The following DYNC1LI1 variants were observed in gnomAD, a reference collection of about 807,000 sequenced individuals.
DYNC1LI1 encodes dynein cytoplasmic 1 light intermediate chain 1.
DYNC1LI1 carries 19 observed loss-of-function variants against 63.8 expected under a neutral mutation model. The observed-to-expected ratio is 0.30, with a 90% confidence interval of 0.21 to 0.44. The LOEUF (loss-of-function observed/expected upper bound fraction) is 0.44, where lower values mean the gene tolerates loss of function less well. Among genes scored for constraint, DYNC1LI1 ranks in the 20% least tolerant of loss-of-function variants. The probability of loss-of-function intolerance (pLI) is 1.00; values close to 1 mark genes in which losing one functional copy is unlikely to be tolerated. For missense variants in DYNC1LI1, 565 were observed against 630.2 expected, an observed-to-expected ratio of 0.90 and a Z score of 1.11; for synonymous variants, 225 against 232.3, an observed-to-expected ratio of 0.97 and a Z score of 0.28.
rs778712085 is a variant in DYNC1LI1 at position 32,570,737 on chromosome 3, A to T, written c.34T>A (p.Ser12Thr). The change falls in exon 1 of 13, where the codon TCT (serine) becomes ACT (threonine). Residue 12 changes from serine to threonine, a missense_variant. Ser to Thr is a moderately conservative substitution (Grantham distance 58, BLOSUM62 1). Coordinates refer to ENST00000273130, the MANE Select transcript of DYNC1LI1 (RefSeq NM_016141.4). ...GTCGAGGATAATCCCGGCGGAGAAG[A>T]ACCGAAGGAGCCGACTCGCCCCACG... is the stretch of plus-strand genomic sequence containing the variant. ...AAVGRVGSFG[S>T]SPPGLSSTYT... is the part of the protein sequence containing the mutation. 6.2e-7 allele frequency: 1 copy of T among 1,607,510 alleles called. No homozygotes were observed. The highest frequency in any genetic ancestry group is 8.5e-7 in the Non-Finnish European group (1 of 1,176,934).
In DYNC1LI1 at chr3:32,530,657, C is replaced by T. The variant is rs147089964; in HGVS notation, c.1081-137G>A. 216 of 748,914 alleles carry T rather than the reference C, an allele frequency of 2.9e-4. 1 individual carries two copies. The East Asian group carries it at 4.8e-3, about 16-fold the overall frequency. The allele number at this position is 748,914 out of a possible 1,614,324, so 46.4% of individuals were successfully genotyped here. ...CCTATACTATATTTATATTCACATG[C>T]GTGAGCTGCCCTACCCAAGGCCTTC... On this transcript the variant is annotated intron_variant, in intron 8 of 12. Transcript: ENST00000273130.
chr3:32,528,368 C>T (rs914043183), intron 12 of DYNC1LI1, 78 bp downstream of exon 12: 26 of 1,517,218 alleles, frequency 1.7e-5, no homozygotes, highest in East Asian at 2.3e-5. Context: ...CAGAATTATA[C>T]ACTTTACATG....
Position 32,570,724 on chromosome 3 carries a change from C to T in DYNC1LI1, c.47G>A (p.Gly16Glu). 6.2e-7 allele frequency: 1 copy of T among 1,608,666 alleles called. No individual in the cohort carries two copies. The highest frequency in any genetic ancestry group is 1.1e-5 in the South Asian group (1 of 90,586). Reference protein sequence around the residue: ...RVGSFGSSPPGLSSTYTGGPL... With the variant: ...RVGSFGSSPPELSSTYTGGPL... ...GCCGCCAGTGTAAGTCGAGGATAAT[C>T]CCGGCGGAGAAGAACCGAAGGAGCC... The change falls in exon 1 of 13, where the codon GGA (glycine) becomes GAA (glutamate). Residue 16 changes from glycine to glutamate, a missense_variant. Transcript: ENST00000273130.
At chr3:32,540,154 C>T (rs981938612) in intron 5 of DYNC1LI1, among the ~76,000 whole-genome samples, 1 of 151,794 alleles carries the variant, frequency 6.6e-6, no homozygotes, top group Non-Finnish European at 1.5e-5. Context: ...CAGGTGTGAG[C>T]CACCATGCCT....
chr3:32,570,103 A>C, intron 2 of DYNC1LI1: 1 of 643,778 alleles, frequency 1.6e-6, no homozygotes, highest in Non-Finnish European at 2.8e-6. Flanking sequence ...GGAAGCTGTC[A>C]GGGCCACCCC....
intron 5 of DYNC1LI1, among the ~76,000 whole-genome samples, chr3:32,538,880 C>T (rs1171350216): frequency 2.6e-5 from 4 of 152,066 alleles, no homozygotes; most frequent in Non-Finnish European, 4.4e-5. Context: ...TACCCCTATA[C>T]ATTTTAAAAG....
intron 5 of DYNC1LI1, among the ~76,000 whole-genome samples, chr3:32,539,589 G>C (rs973635239): frequency 6.6e-6 from 1 of 151,920 alleles, no homozygotes; most frequent in African/African-American, 2.4e-5. Flanking sequence ...AGGCTGGAGT[G>C]CAGTGGCGCA....
chr3:32,548,979 C>G (rs961640338), intron 2 of DYNC1LI1, among the ~76,000 whole-genome samples: 1 of 152,022 alleles, frequency 6.6e-6, no homozygotes, highest in Non-Finnish European at 1.5e-5. Flanking sequence ...ACAGTAATAT[C>G]TATGATGACA....
Position 32,532,067 on chromosome 3 carries a change from A to G in DYNC1LI1, c.1080+919T>C, listed in dbSNP as rs552381416. 1.4e-4 allele frequency: 22 copies of G among 152,332 alleles called. No homozygotes were observed. The South Asian group carries it at 4.1e-3, about 29-fold the overall frequency. The allele number at this position is 152,332 out of a possible 1,614,324, so 9.4% of individuals were successfully genotyped here. A position where few individuals can be genotyped will look rare whatever the true frequency, so the allele number is the denominator to read the frequency against. On this transcript the variant is annotated intron_variant, in intron 8 of 12. Coordinates refer to ENST00000273130, the MANE Select transcript of DYNC1LI1 (RefSeq NM_016141.4). ...AAATACTCATTTTTATAGAGCTTTC[A>G]GAAACATCTCTATCTATAGAACATT...
chr3:32,546,498 T>C (rs1697954836), intron 2 of DYNC1LI1, among the ~76,000 whole-genome samples: 1 of 152,204 alleles, frequency 6.6e-6, no homozygotes, highest in Non-Finnish European at 1.5e-5. Flanking sequence ...CTATTGCAAA[T>C]GACTTCCTCT....
intron 2 of DYNC1LI1, among the ~76,000 whole-genome samples, chr3:32,556,284 T>C (rs964391603): frequency 2.2e-4 from 33 of 152,206 alleles, no homozygotes; most frequent in Non-Finnish European, 4.3e-4. Flanking sequence ...GTGCTCTCAA[T>C]AGCACACTGC....
rs1301276091 is a variant in DYNC1LI1 at position 32,545,071 on chromosome 3, C to A, written c.373G>T (p.Asp125Tyr). 2 of 1,613,624 alleles carry A rather than the reference C, an allele frequency of 1.2e-6. No individual in the cohort carries two copies. The highest frequency in any genetic ancestry group is 1.1e-5 in the South Asian group (1 of 91,064). The change falls in exon 4 of 13, where the codon GAC (aspartate) becomes TAC (tyrosine). Residue 125 changes from aspartate (D) to tyrosine (Y), a missense_variant. Asp to Tyr is a radical substitution (Grantham distance 160). Transcript: ENST00000273130. ...TTAAGGAGGCCTTTGTGATATAGGT[C>A]TCCATCTAAGATCCAAACATTACAT... The part of the protein sequence containing the change: ...TRCNVWILDG[D>Y]LYHKGLLKFS...
At chr3:32,539,127 TA>T (rs933196759) in intron 5 of DYNC1LI1, among the ~76,000 whole-genome samples, 158 of 152,118 alleles carry the variant, frequency 1.0e-3, no homozygotes, top group African/African-American at 3.6e-3. Flanking sequence ...CAAAACAAAA[TA>T]AAAAACAAAG....
chr3:32,527,530 T>A (rs958642678), intron 12 of DYNC1LI1, among the ~76,000 whole-genome samples: 3 of 152,042 alleles, frequency 2.0e-5, no homozygotes, highest in Non-Finnish European at 2.9e-5. Context: ...GGCAAGGATA[T>A]GGAGAAACGA....
chr3:32,560,974 C>A (rs1157527648), intron 2 of DYNC1LI1, among the ~76,000 whole-genome samples: 1 of 119,064 alleles, frequency 8.4e-6, no homozygotes, highest in Non-Finnish European at 1.6e-5. Context: ...TGCACTCCAG[C>A]CTGGGCAACA....
intron 4 of DYNC1LI1, among the ~76,000 whole-genome samples, chr3:32,542,004 C>A: frequency 6.6e-6 from 1 of 151,972 alleles, no homozygotes; most frequent in Middle Eastern, 3.2e-3. Flanking sequence ...GTCAAGTTTT[C>A]AAAGAATATT....
intron 5 of DYNC1LI1, among the ~76,000 whole-genome samples, chr3:32,540,436 T>C (rs1318070673): frequency 6.6e-6 from 1 of 151,808 alleles, no homozygotes; most frequent in African/African-American, 2.4e-5. Context: ...TCCCAGCACT[T>C]TGGGAGGCCA....
At chr3:32,568,480 T>C (rs1347562605) in intron 2 of DYNC1LI1, among the ~76,000 whole-genome samples, 1 of 152,222 alleles carries the variant, frequency 6.6e-6, no homozygotes, top group African/African-American at 2.4e-5. Context: ...TATTACCTGA[T>C]ATTAGATGCA....
Position 32,530,285 on chromosome 3 carries a change from A to C in DYNC1LI1, c.1184T>G (p.Val395Gly). The change falls in exon 10 of 13, where the codon GTG (valine) becomes GGG (glycine). Residue 395 changes from valine to glycine, a missense_variant and splice_region_variant. Physicochemically the swap from Val to Gly is moderately radical, Grantham distance 109. Transcript: ENST00000273130. ...KQPPTAAGRP[V>G]DASPRVPGGS... ...TTTGTCAAAATTTGTAATACTGACCACAGGCCTTCCAGCTGCAGTTGGTGG... is the reference window on the plus strand; with the variant it reads ...TTTGTCAAAATTTGTAATACTGACCCCAGGCCTTCCAGCTGCAGTTGGTGG... 6.2e-7 allele frequency: 1 copy of C among 1,608,410 alleles called. No individual in the cohort carries two copies. Among genetic ancestry groups the C allele is most frequent in the Non-Finnish European group, 8.5e-7 (1 of 1,178,580 alleles).
Sources: gnomAD v4.1 joint callset for allele counts (sites outside exome capture counted in the v4.1 genomes callset) on GRCh38, gnomAD v4.1.1 for gene constraint, MANE v1.5 for transcripts, NCBI Gene and HGNC (gene_info 2026-07-23, HGNC 2026-07-21) for gene names.